SOX6: variants seen among roughly 807,000 people sequenced by gnomAD.
SOX6 encodes the protein transcription factor SOX-6.
SOX6 carries 11 observed loss-of-function variants against 97.8 expected under a neutral mutation model. That is an observed-to-expected ratio of 0.11 (90% CI 0.07 to 0.19). SOX6 has a LOEUF of 0.19. Ranked by LOEUF, SOX6 falls within the 10% of genes least tolerant of loss-of-function variation. The pLI is 1.00. For missense variants in SOX6, 810 were observed against 1,039.5 expected, an observed-to-expected ratio of 0.78 and a Z score of 3.04; for synonymous variants, 360 against 371.4, an observed-to-expected ratio of 0.97 and a Z score of 0.35.
intron 3 of SOX6, among the ~76,000 whole-genome samples, chr11:16,253,084 A>G (rs1183729763): frequency 6.6e-5 from 10 of 152,166 alleles, no homozygotes; most frequent in Admixed American, 6.5e-4. Context: ...ACGGTGGCTC[A>G]CACCTGTAAT....
At chr11:16,376,814 T>C (rs1857653451) in intron 1 of SOX6, among the ~76,000 whole-genome samples, 2 of 151,790 alleles carry the variant, frequency 1.3e-5, no homozygotes, top group Admixed American at 6.6e-5. Flanking sequence ...CATTTAGACT[T>C]CAGAACTGAC....
At chr11:16,026,244 C>T (rs924434434) in intron 12 of SOX6, among the ~76,000 whole-genome samples, 4 of 152,102 alleles carry the variant, frequency 2.6e-5, no homozygotes, top group Non-Finnish European at 5.9e-5. Context: ...GATAAAATCA[C>T]GCCTAAAAAA....
At chr11:16,164,821 A>C (rs1850843107) in intron 6 of SOX6, among the ~76,000 whole-genome samples, 1 of 136,720 alleles carries the variant, frequency 7.3e-6, no homozygotes, top group South Asian at 2.3e-4. Context: ...ACTTGGTATC[A>C]AAAAAAAAAA....
At chr11:16,250,259 TA>T (rs1294366529) in intron 3 of SOX6, among the ~76,000 whole-genome samples, 1 of 143,230 alleles carries the variant, frequency 7.0e-6, no homozygotes, top group Non-Finnish European at 1.5e-5. Context: ...TTAAATTTTA[TA>T]AAACATAATT....
intron 1 of SOX6, among the ~76,000 whole-genome samples, chr11:16,452,432 T>C (rs1859735291): frequency 6.6e-6 from 1 of 152,230 alleles, no homozygotes; most frequent in African/African-American, 2.4e-5. Flanking sequence ...ACAGTAAGTC[T>C]TCATATTAAA....
Position 16,145,880 on chromosome 11 carries a change from C to T in SOX6, c.778-33957G>A, listed in dbSNP as rs537630082. 2.6e-4 allele frequency among the ~76,000 whole-genome samples: 39 copies of T among 152,186 alleles called. 1 individual carries two copies. Among genetic ancestry groups the T allele is most frequent in the South Asian group, 1.2e-3 (6 of 4,818 alleles). On this transcript the variant is annotated intron_variant, in intron 6 of 15. Coordinates refer to ENST00000683767, the MANE Select transcript of SOX6 (RefSeq NM_001367873.1). ...CACAAACAAATGGAAGAACATTCCA[C>T]GCTCATGGGTAGGAAGAATCAATAT...
In SOX6 at chr11:16,044,827, A is replaced by G. The variant is rs115748994; in HGVS notation, c.1623+1687T>C. ...CAGTAAGGTTGTCTACTGAGAAAAC[A>G]GCTCCCTTCAACTTGGAAACCAGGG... On this transcript the variant is annotated intron_variant, in intron 12 of 15. Coordinates refer to ENST00000683767, the MANE Select transcript of SOX6 (RefSeq NM_001367873.1). Among the ~76,000 whole-genome samples the G allele has an allele frequency of 5.5e-3, 838 of 152,290 alleles. 13 individuals are homozygous for G. Among genetic ancestry groups the G allele is most frequent in the African/African-American group, 0.019 (773 of 41,558 alleles).
At chr11:16,441,897 G>A (rs1363698641) in intron 1 of SOX6, among the ~76,000 whole-genome samples, 1 of 152,124 alleles carries the variant, frequency 6.6e-6, no homozygotes, top group East Asian at 1.9e-4. Context: ...AAAGGAGTTT[G>A]TACACTTTAA....
chr11:16,111,610 A>G (rs1340142046), intron 7 of SOX6, among the ~76,000 whole-genome samples, 193 bp downstream of exon 7: 1 of 152,206 alleles, frequency 6.6e-6, no homozygotes, highest in African/African-American at 2.4e-5. Flanking sequence ...AAGAAGAGAA[A>G]GTAAAAGTTT....
intron 12 of SOX6, among the ~76,000 whole-genome samples, chr11:16,020,239 T>C (rs994006812): frequency 1.3e-5 from 2 of 151,990 alleles, no homozygotes; most frequent in African/African-American, 4.8e-5. Flanking sequence ...CCACATAGCC[T>C]CTTGCCCTCA....
At chr11:16,609,295 A>G (rs1443837228) in intron 4 of SOX6, among the ~76,000 whole-genome samples, 1 of 152,246 alleles carries the variant, frequency 6.6e-6, no homozygotes, top group East Asian at 1.9e-4. Context: ...AACTGAGGTC[A>G]GTGGAAAGTC....
intron 4 of SOX6, among the ~76,000 whole-genome samples, chr11:16,519,930 G>C (rs908667825): frequency 6.6e-6 from 1 of 152,056 alleles, no homozygotes; most frequent in Non-Finnish European, 1.5e-5. Flanking sequence ...TTTTTAATTT[G>C]CATTTCTCTG....
At chr11:16,557,231 A>G (rs926471009) in intron 4 of SOX6, among the ~76,000 whole-genome samples, 1 of 151,868 alleles carries the variant, frequency 6.6e-6, no homozygotes, top group Admixed American at 6.6e-5. Context: ...ATGAAGTGTA[A>G]AGATGGACAA....
intron 4 of SOX6, among the ~76,000 whole-genome samples, chr11:16,533,634 T>C (rs1236959996): frequency 3.3e-5 from 5 of 151,952 alleles, no homozygotes; most frequent in Admixed American, 3.3e-4. Context: ...TGAAAAAGAG[T>C]AATATTGCTA....
chr11:16,590,482 A>G (rs1848137571), intron 4 of SOX6, among the ~76,000 whole-genome samples: 1 of 152,190 alleles, frequency 6.6e-6, no homozygotes, highest in East Asian at 1.9e-4. Context: ...CATCATTCAC[A>G]ATCAAGCAAT....
chr11:16,111,994 C>G, intron 6 of SOX6, 71 bp from the exon 7 acceptor site: 1 of 1,597,288 alleles, frequency 6.3e-7, no homozygotes, highest in Non-Finnish European at 8.5e-7. Flanking sequence ...GTTTTTCACT[C>G]CTGGTGGTGT....
At position 16,576,312 on chromosome 11, in the gene SOX6, CAAAAAAAAAAAAAA is replaced by C. The variant is rs1161528411; in HGVS notation, n.609+35755_609+35768del. On this transcript the variant is annotated intron_variant and non_coding_transcript_variant, in intron 4 of 5. Transcript: ENST00000524520. ...TGGGCGACAGAGCGAGACTCCGTCT[CAAAAAAAAAAAAAA>C]AAAAAAAAAAAAAGAAAACCACAAC... 6.3e-3 allele frequency among the ~76,000 whole-genome samples: 2 copies of C among 316 alleles called. 1 individual carries two copies. Among genetic ancestry groups the C allele is most frequent in the African/African-American group, 6.7e-3 (2 of 300 alleles). The allele number at this position is 316 out of a possible 152,430, so 0.2% of individuals were successfully genotyped here.
intron 1 of SOX6, among the ~76,000 whole-genome samples, chr11:16,372,196 G>T (rs73429696): frequency 1.3e-5 from 2 of 151,898 alleles, no homozygotes; most frequent in Non-Finnish European, 2.9e-5. Flanking sequence ...TCTCCTGAAA[G>T]TATAGACTGT....
At chr11:16,103,537 G>T (rs1330550731) in intron 7 of SOX6, among the ~76,000 whole-genome samples, 1 of 151,818 alleles carries the variant, frequency 6.6e-6, no homozygotes, top group East Asian at 1.9e-4. Flanking sequence ...CAGAGGAAAA[G>T]AAGTCACTAC....
Sources: gnomAD v4.1 joint callset for allele counts (sites outside exome capture counted in the v4.1 genomes callset) on GRCh38, gnomAD v4.1.1 for gene constraint, MANE v1.5 for transcripts, NCBI Gene and HGNC (gene_info 2026-07-23, HGNC 2026-07-21) for gene names.